The following CHL1 variants were observed in gnomAD, a reference collection of about 807,000 sequenced individuals.
The protein encoded by CHL1 is cell adhesion molecule L1 like, also known as neural cell adhesion molecule L1-like protein.
In CHL1, 96 loss-of-function variants were observed where a neutral mutation model predicts 141.9. The observed-to-expected ratio is 0.68, with a 90% CI of 0.57 to 0.80. The LOEUF (loss-of-function observed/expected upper bound fraction) is 0.80. Among genes scored for constraint, CHL1 ranks in the 30% least tolerant of loss-of-function variants. The pLI is 0.00. For missense variants in CHL1, 1,820 were observed against 1,457.2 expected (o/e 1.25, Z -4.05); for synonymous variants, 613 against 502.2 (o/e 1.22, Z -2.95).
intron 2 of CHL1, among the ~76,000 whole-genome samples, chr3:274,049 C>G (rs1695870963): frequency 6.6e-6 from 1 of 152,206 alleles, no homozygotes; most frequent in African/African-American, 2.4e-5. Context: ...CTTCTCACTT[C>G]ACCAGTTTCC....
intron 2 of CHL1, among the ~76,000 whole-genome samples, chr3:284,385 T>C (rs912647053): frequency 3.3e-5 from 5 of 152,180 alleles, no homozygotes; most frequent in Admixed American, 2.6e-4. Context: ...AGGATGATCA[T>C]TTGGTGGCAT....
chr3:231,334 A>T (rs991295899), intron 1 of CHL1, among the ~76,000 whole-genome samples: 3 of 151,818 alleles, frequency 2.0e-5, no homozygotes, highest in African/African-American at 7.3e-5. Flanking sequence ...TAACACCACC[A>T]CCCTCATCAT....
chr3:350,748 T>C (rs1703175046), intron 10 of CHL1, among the ~76,000 whole-genome samples: 1 of 152,174 alleles, frequency 6.6e-6, no homozygotes, highest in Admixed American at 6.6e-5. Flanking sequence ...GTAGGAAGAA[T>C]AGAAAACCGA....
intron 1 of CHL1, among the ~76,000 whole-genome samples, chr3:212,167 G>A (rs1268713978): frequency 1.3e-5 from 2 of 152,062 alleles, no homozygotes; most frequent in Admixed American, 1.3e-4. Context: ...GCTGAGAAGG[G>A]TGGTAATAAA....
At chr3:219,767 T>C (rs2124967481) in intron 1 of CHL1, among the ~76,000 whole-genome samples, 1 of 152,304 alleles carries the variant, frequency 6.6e-6, no homozygotes, top group East Asian at 1.9e-4. Flanking sequence ...TGAAATAGTC[T>C]GTACAACAAA....
chr3:239,229 C>T (rs1163113584), intron 1 of CHL1, among the ~76,000 whole-genome samples: 1 of 152,316 alleles, frequency 6.6e-6, no homozygotes, highest in African/African-American at 2.4e-5. Flanking sequence ...CCGGCTAGAT[C>T]TCAGCCTAGT....
In CHL1 at chr3:304,901, C is replaced by G. The variant is rs553028240; in HGVS notation, c.-94-14782C>G. 2.0e-5 allele frequency among the ~76,000 whole-genome samples: 3 copies of G among 152,210 alleles called. No homozygotes were observed. In the East Asian group the frequency reaches 5.8e-4, roughly 29 times the overall value. ...TTAGTGCTATAAATTTCCCTCTAAA[C>G]ACTGCTTTAAATGGAAAGAAGACAC... On this transcript the variant is annotated intron_variant, in intron 2 of 27. Coordinates refer to ENST00000256509, the MANE Select transcript of CHL1 (RefSeq NM_006614.4).
chr3:350,238 T>C (rs1703127742), intron 10 of CHL1, among the ~76,000 whole-genome samples: 1 of 152,196 alleles, frequency 6.6e-6, no homozygotes, highest in South Asian at 2.1e-4. Context: ...GTTACATTTA[T>C]AGGAATAAGT....
intron 2 of CHL1, among the ~76,000 whole-genome samples, chr3:271,307 C>T (rs2125245605): frequency 6.6e-6 from 1 of 152,272 alleles, no homozygotes; most frequent in African/African-American, 2.4e-5. Flanking sequence ...AGGTTGGTGG[C>T]TCATGCCTGT....
chr3:203,210 G>C (rs751066621), intron 1 of CHL1, among the ~76,000 whole-genome samples: 5 of 152,178 alleles, frequency 3.3e-5, no homozygotes, highest in Non-Finnish European at 7.3e-5. Context: ...ATGTCCCTTG[G>C]ACTTTGAACA....
Position 316,169 on chromosome 3 carries a change from C to T in CHL1, c.-94-3514C>T, listed in dbSNP as rs543255625. ...ATGTGGCTGGGAAGGGAAGATGGAG[C>T]CACCATTTTTGAACATGATTGGCAC... On this transcript the variant is annotated intron_variant, in intron 2 of 27. Coordinates refer to ENST00000256509, the MANE Select transcript of CHL1 (RefSeq NM_006614.4). Among the ~76,000 whole-genome samples the T allele has an allele frequency of 2.0e-5, 3 of 152,088 alleles. No homozygotes were observed. In the East Asian group the frequency reaches 5.8e-4, roughly 30 times the overall value.
chr3:199,804 G>T (rs1698751927), intron 1 of CHL1, among the ~76,000 whole-genome samples: 1 of 152,138 alleles, frequency 6.6e-6, no homozygotes, highest in African/African-American at 2.4e-5. Flanking sequence ...CCCCAAAATT[G>T]CTTTGTTGAA....
intron 1 of CHL1, among the ~76,000 whole-genome samples, chr3:204,189 T>C (rs1424883361): frequency 2.0e-5 from 3 of 152,234 alleles, no homozygotes; most frequent in East Asian, 3.8e-4. Flanking sequence ...GAGAGAATAA[T>C]GTAAAAGATG....
intron 13 of CHL1, among the ~76,000 whole-genome samples, chr3:362,164 T>C (rs1033626417): frequency 6.6e-6 from 1 of 152,228 alleles, no homozygotes; most frequent in African/African-American, 2.4e-5. Flanking sequence ...ATTATCTAAA[T>C]GATTATCTAA....
At chr3:253,939 C>A (rs1417401564) in intron 2 of CHL1, among the ~76,000 whole-genome samples, 2 of 152,170 alleles carry the variant, frequency 1.3e-5, no homozygotes, top group African/African-American at 4.8e-5. Flanking sequence ...AGCTAGCCAT[C>A]ATGTTAGATA....
chr3:260,263 C>CAAATAAATAAATAAAT (rs58225264), intron 2 of CHL1, among the ~76,000 whole-genome samples: 6,849 of 151,322 alleles, frequency 0.045, 514 homozygotes, highest in African/African-American at 0.16. Flanking sequence ...AACTCTGTCT[C>CAAATAAATAAATAAAT]AAATAAATAA....
At chr3:351,521 T>C (rs1183246396) in intron 10 of CHL1, among the ~76,000 whole-genome samples, 1 of 152,190 alleles carries the variant, frequency 6.6e-6, no homozygotes, top group Non-Finnish European at 1.5e-5. Flanking sequence ...CTCGTGTTTA[T>C]TCAATTTTTT....
In CHL1 at chr3:340,870, T is replaced by C. The variant is rs573276367; in HGVS notation, c.462T>C (p.Asn154=). ...EEGDPIVLPC[N]PPKGLPPLHI... is the part of the protein sequence containing the mutation. Reference sequence around the variant, plus strand: ...GAGATCCAATTGTCCTCCCATGCAATCCTCCCAAAGGCCTCCCACCTTTAC... The same window carrying C: ...GAGATCCAATTGTCCTCCCATGCAACCCTCCCAAAGGCCTCCCACCTTTAC... The change falls in exon 6 of 28, where the codon AAT becomes AAC. Residue 154 remains asparagine, a synonymous_variant. Coordinates refer to ENST00000256509, the MANE Select transcript of CHL1 (RefSeq NM_006614.4). 6.2e-7 allele frequency: 1 copy of C among 1,612,864 alleles called. No homozygotes were observed. The highest frequency in any genetic ancestry group is 8.5e-7 in the Non-Finnish European group (1 of 1,179,130).
chr3:375,405 C>T (rs1460044554), intron 15 of CHL1, among the ~76,000 whole-genome samples: 1 of 151,816 alleles, frequency 6.6e-6, no homozygotes, highest in African/African-American at 2.4e-5. Flanking sequence ...AGGGTTTTTC[C>T]TTGGCACCAA....
Sources: gnomAD v4.1 joint callset for allele counts (sites outside exome capture counted in the v4.1 genomes callset) on GRCh38, gnomAD v4.1.1 for gene constraint, MANE v1.5 for transcripts, NCBI Gene and HGNC (gene_info 2026-07-23, HGNC 2026-07-21) for gene names.